Variants in SMG7 observed in about 807,000 individuals in gnomAD.
SMG7 encodes the protein nonsense-mediated mRNA decay factor SMG7.
In SMG7, 34 loss-of-function variants were observed where a neutral mutation model predicts 148.2. The ratio of observed to expected loss-of-function variants is 0.23; its 90% CI spans 0.17 to 0.31. SMG7 has a LOEUF of 0.31. Ranked by LOEUF, SMG7 falls within the 10% of genes least tolerant of loss-of-function variation. The pLI is 1.00. For synonymous variants in SMG7, 492 were observed against 515.1 expected (o/e 0.96, Z 0.61); for missense variants, 1,114 against 1,408.4 (o/e 0.79, Z 3.35).
chr1:183,520,288 A>G (rs1054494674), intron 4 of SMG7, among the ~76,000 whole-genome samples: 10 of 152,094 alleles, frequency 6.6e-5, no homozygotes, highest in African/African-American at 2.2e-4. Context: ...TGAAAATCAT[A>G]TAAAATTATA....
intron 4 of SMG7, among the ~76,000 whole-genome samples, chr1:183,519,496 T>C (rs1033060658): frequency 1.3e-5 from 2 of 151,546 alleles, no homozygotes; most frequent in Non-Finnish European, 2.9e-5. Flanking sequence ...ATGCTGAGGA[T>C]ATGGAGGTAA....
chr1:183,531,214 C>T (rs1224119884), intron 8 of SMG7, among the ~76,000 whole-genome samples: 1 of 152,022 alleles, frequency 6.6e-6, no homozygotes, highest in Non-Finnish European at 1.5e-5. Context: ...ATGTATACTT[C>T]AGTGTTTCTA....
intron 1 of SMG7, among the ~76,000 whole-genome samples, chr1:183,480,388 C>T (rs1417919607): frequency 1.3e-5 from 2 of 151,982 alleles, no homozygotes; most frequent in Non-Finnish European, 2.9e-5. Context: ...TTCCTTAATC[C>T]CTTGCTATCA....
At chr1:183,505,753 C>T (rs906656508) in intron 1 of SMG7, among the ~76,000 whole-genome samples, 1 of 152,228 alleles carries the variant, frequency 6.6e-6, no homozygotes, top group Non-Finnish European at 1.5e-5. Context: ...TTCTCATATA[C>T]CCAGCTGGCC....
intron 19 of SMG7, 99 bp downstream of exon 19, chr1:183,549,387 CATGTATTA>C: frequency 1.1e-6 from 1 of 874,896 alleles, no homozygotes; most frequent in Non-Finnish European, 1.8e-6. Flanking sequence ...CTTTATTTTC[CATGTATTA>C]GTGTATTCCA....
chr1:183,505,834 G>A (rs1013360313), intron 1 of SMG7, among the ~76,000 whole-genome samples: 17 of 152,064 alleles, frequency 1.1e-4, no homozygotes, highest in African/African-American at 4.1e-4. Flanking sequence ...TAACTTACCA[G>A]GTATTTCTTG....
intron 1 of SMG7, among the ~76,000 whole-genome samples, chr1:183,500,667 C>CCAAACT (rs1352670986): frequency 2.6e-5 from 4 of 152,040 alleles, no homozygotes; most frequent in African/African-American, 9.7e-5. Flanking sequence ...GAGTACTCAG[C>CCAAACT]CAAACTAAGA....
chr1:183,528,184 T>G (rs1030061175), intron 6 of SMG7, among the ~76,000 whole-genome samples, 157 bp downstream of exon 6: 3 of 152,164 alleles, frequency 2.0e-5, no homozygotes, highest in African/African-American at 4.8e-5. Flanking sequence ...CCATGTAAAC[T>G]AAAATGAATT....
intron 1 of SMG7, among the ~76,000 whole-genome samples, chr1:183,496,155 C>T (rs1162711915): frequency 8.5e-5 from 13 of 152,128 alleles, no homozygotes; most frequent in Non-Finnish European, 4.4e-5. Flanking sequence ...AAACTAAACC[C>T]AGGATGGCTT....
chr1:183,507,577 T>C (rs187404969), intron 1 of SMG7, among the ~76,000 whole-genome samples: 1 of 152,292 alleles, frequency 6.6e-6, no homozygotes, highest in East Asian at 1.9e-4. Context: ...TAACAGTACT[T>C]AGTGTGAAGT....
chr1:183,499,730 G>A (rs937827279), intron 1 of SMG7, among the ~76,000 whole-genome samples: 6 of 152,128 alleles, frequency 3.9e-5, no homozygotes, highest in Non-Finnish European at 8.8e-5. Flanking sequence ...ACTTTGTCTT[G>A]TAATGTCCCT....
In SMG7 at chr1:183,551,168, C is replaced by T; in HGVS notation, c.3428C>T (p.Ala1143Val). Residue 1143 changes from alanine to valine, a missense_variant, in exon 22 of 23, where the codon GCT (alanine) becomes GTT (valine). Ala to Val is a moderately conservative substitution (Grantham distance 64, BLOSUM62 0). Transcript: ENST00000688051. Reference protein sequence around the residue: ...GHGPSMEDSSAVLMESLKSIW... With the variant: ...GHGPSMEDSSVVLMESLKSIW... Reference sequence around the variant, plus strand: ...GGCCCTTCCATGGAGGATTCCTCTGCTGTCCTCATGGAAAGCCTAAAGGTG... The same window carrying T: ...GGCCCTTCCATGGAGGATTCCTCTGTTGTCCTCATGGAAAGCCTAAAGGTG... 1 of 1,580,638 alleles carries T rather than the reference C, an allele frequency of 6.3e-7. No homozygotes were observed. The highest frequency in any genetic ancestry group is 1.4e-5 in the African/African-American group (1 of 72,562).
intron 15 of SMG7, among the ~76,000 whole-genome samples, 163 bp downstream of exon 15, chr1:183,544,660 G>A (rs1241176870): frequency 6.6e-6 from 1 of 152,200 alleles, no homozygotes; most frequent in Non-Finnish European, 1.5e-5. Flanking sequence ...TGTGTGTAGT[G>A]TACATACAAG....
intron 1 of SMG7, among the ~76,000 whole-genome samples, chr1:183,479,165 A>G (rs1235499374): frequency 6.6e-6 from 1 of 152,126 alleles, no homozygotes; most frequent in Non-Finnish European, 1.5e-5. Flanking sequence ...AGGTGATTCT[A>G]CTAATTGTCT....
intron 1 of SMG7, among the ~76,000 whole-genome samples, chr1:183,504,159 C>T (rs1047418459): frequency 4.6e-5 from 7 of 151,998 alleles, no homozygotes; most frequent in African/African-American, 1.7e-4. Flanking sequence ...GCCTTTGTAT[C>T]TGTCACCTTA....
chr1:183,503,287 T>C (rs570121039), intron 1 of SMG7, among the ~76,000 whole-genome samples: 4 of 152,384 alleles, frequency 2.6e-5, no homozygotes, highest in Admixed American at 2.6e-4. Flanking sequence ...TGGTTAATTC[T>C]TAACAGATGA....
In SMG7 at chr1:183,527,660, C is replaced by T. The variant is rs879050315; in HGVS notation, c.485-296C>T. ...ACTCACCCCTTCTTGTGGGCCGGCTCCAGGTCACCAGCATAGTCCATAGTG... is the reference window on the plus strand; with the variant it reads ...ACTCACCCCTTCTTGTGGGCCGGCTTCAGGTCACCAGCATAGTCCATAGTG... On this transcript the variant is annotated intron_variant, in intron 5 of 22. Transcript: ENST00000688051. This position sits in a 1 kb window ranked among gnomAD's most constrained non-coding sequence, Gnocchi z 4.0. 1 of 506,274 alleles carries T rather than the reference C, an allele frequency of 2.0e-6. No individual in the cohort carries two copies. Among genetic ancestry groups the T allele is most frequent in the South Asian group, 1.5e-5 (1 of 64,940 alleles). 31.4% of individuals were successfully genotyped at this position (506,274 alleles called of 1,614,324 possible). A position where few individuals can be genotyped will look rare whatever the true frequency, so the allele number is the denominator to read the frequency against.
intron 1 of SMG7, 56 bp downstream of exon 1, chr1:183,472,705 G>T: frequency 1.4e-6 from 2 of 1,402,744 alleles, no homozygotes. Flanking sequence ...GTTGGGGCAT[G>T]GAGCAACAGA....
intron 1 of SMG7, among the ~76,000 whole-genome samples, chr1:183,511,780 G>C (rs994481668): frequency 6.6e-5 from 10 of 152,174 alleles, no homozygotes; most frequent in African/African-American, 2.4e-4. Flanking sequence ...GCCAAGGGAT[G>C]GTTCTTGAAT....
Sources: allele counts gnomAD v4.1 joint callset (sites outside exome capture counted in the v4.1 genomes callset), GRCh38; gene constraint gnomAD v4.1.1; non-coding constraint Gnocchi (gnomAD v3.1); transcripts MANE v1.5; gene names NCBI Gene and HGNC (gene_info 2026-07-23, HGNC 2026-07-21).